Variants in QARS1 observed in about 807,000 individuals in gnomAD.
QARS1 encodes glutamine--tRNA ligase.
In QARS1, 79 loss-of-function variants were observed where a neutral mutation model predicts 106.9. The ratio of observed to expected loss-of-function variants is 0.74; its 90% CI spans 0.62 to 0.89. The LOEUF is 0.89. Ranked by LOEUF, QARS1 falls within the 40% of genes least tolerant of loss-of-function variation. QARS1 has a pLI of 0.00. For synonymous variants in QARS1, 395 were observed against 367.7 expected, an observed-to-expected ratio of 1.07 and a Z score of -0.85; for missense variants, 966 against 997.2, an observed-to-expected ratio of 0.97 and a Z score of 0.42.
In QARS1 at chr3:49,103,685, G is replaced by A; in HGVS notation, c.397C>T (p.His133Tyr). 1 of 1,613,782 alleles carries A rather than the reference G, an allele frequency of 6.2e-7. No individual in the cohort carries two copies. The highest frequency in any genetic ancestry group is 8.5e-7 in the Non-Finnish European group (1 of 1,179,862). The change falls in exon 4 of 24, where the codon CAC (histidine) becomes TAC (tyrosine). Residue 133 changes from histidine to tyrosine, a missense_variant. Transcript: ENST00000306125. ...CGTTCCACCAGGAGCTGGGGCCGGTGCCTGTTAATAGCAGCCTCCACCTGC... is the reference window on the plus strand; with the variant it reads ...CGTTCCACCAGGAGCTGGGGCCGGTACCTGTTAATAGCAGCCTCCACCTGC... ...EEAVEAAINR[H>Y]RPQLLVERYH... is the part of the protein sequence containing the mutation.
At position 49,100,379 on chromosome 3, in the gene QARS1, C is replaced by T; in HGVS notation, c.1055+1G>A. On this transcript the variant is annotated splice_donor_variant, in intron 12 of 23. Coordinates refer to ENST00000306125, the MANE Select transcript of QARS1 (RefSeq NM_005051.3). LOFTEE classifies it high-confidence loss of function. Reference sequence around the variant, plus strand: ...GCTCTACGTCATGGCCCTGGCCTTACCTGCGGATGAGCTCCACAGCCCACG... The same window carrying T: ...GCTCTACGTCATGGCCCTGGCCTTATCTGCGGATGAGCTCCACAGCCCACG... The T allele has an allele frequency of 6.2e-7, 1 of 1,614,278 alleles. No homozygotes were observed. The highest frequency in any genetic ancestry group is 8.5e-7 in the Non-Finnish European group (1 of 1,180,048).
intron 19 of QARS1, 33 bp downstream of exon 19, chr3:49,098,852 C>T (rs2042427227): frequency 4.5e-6 from 7 of 1,570,782 alleles, no homozygotes; most frequent in East Asian, 2.2e-5. Context: ...CCAGACTCAG[C>T]AGCAAACGGG....
At position 49,099,226 on chromosome 3, in the gene QARS1, T is replaced by C. The variant is rs1196352302; in HGVS notation, c.1642A>G (p.Met548Val). Residue 548 changes from methionine (M) to valine (V), a missense_variant, in exon 18 of 24, where the codon ATG becomes GTG. Physicochemically the swap from Met to Val is conservative, Grantham distance 21. Transcript: ENST00000306125. ...CAGGCTTCTAGAAGATGTGGCTCCA[T>C]TGTGGTTTGTGCCACAGTCACTCCC... ...RVGVTVAQTTMEPHLLEACVR... is the reference protein window; with the variant it reads ...RVGVTVAQTTVEPHLLEACVR... The C allele has an allele frequency of 1.9e-6, 3 of 1,614,184 alleles. No homozygotes were observed. Among genetic ancestry groups the C allele is most frequent in the Admixed American group, 1.7e-5 (1 of 60,026 alleles).
intron 17 of QARS1, 33 bp downstream of exon 17, chr3:49,099,311 C>T: frequency 6.2e-7 from 1 of 1,614,162 alleles, no homozygotes; most frequent in Non-Finnish European, 8.5e-7. Flanking sequence ...ACACTCAACC[C>T]CCAATGTATC....
rs750183990 is a variant in QARS1, at chr3:49,103,965, A to G, written c.273T>C (p.Leu91=). 7 of 1,613,314 alleles carry G rather than the reference A, an allele frequency of 4.3e-6. No individual in the cohort carries two copies. The South Asian group carries it at 7.7e-5, about 18-fold the overall frequency. Residue 91 remains leucine, a synonymous_variant, in exon 3 of 24, where the codon CTT becomes CTC. Transcript: ENST00000306125. ...CCAAGGGGTGACTCCGCACATACTC[A>G]AGGGCAGCTGAGAAGAAAGAGCCCG... is the stretch of plus-strand genomic sequence containing the variant. ...IHTEPQLSAA[L]EYVRSHPLDP... is the part of the protein sequence containing the mutation.
chr3:49,099,447 T>C lies in QARS1; in HGVS notation c.1527-16A>G. 2 of 1,614,060 alleles carry C rather than the reference T, an allele frequency of 1.2e-6. No homozygotes were observed. The highest frequency in any genetic ancestry group is 2.2e-5 in the South Asian group (2 of 91,078). ...ATCCCAGTCCCTGTGGATAAGAAGGTGGTGAGAAGGCCTTTGGGAGCATAT... is the reference window on the plus strand; with the variant it reads ...ATCCCAGTCCCTGTGGATAAGAAGGCGGTGAGAAGGCCTTTGGGAGCATAT... On this transcript the variant is annotated splice_polypyrimidine_tract_variant and intron_variant, in intron 16 of 23. Transcript: ENST00000306125.
chr3:49,097,228 C>G (rs2042404383), intron 23 of QARS1: 1 of 151,990 alleles, frequency 6.6e-6, no homozygotes, highest in Admixed American at 6.6e-5. Flanking sequence ...TAGTTTGAGG[C>G]CACAGTGAGC....
intron 23 of QARS1, 71 bp downstream of exon 23, chr3:49,097,921 G>C: frequency 1.9e-6 from 3 of 1,592,916 alleles, no homozygotes; most frequent in Non-Finnish European, 2.6e-6. Context: ...AATGTATGCA[G>C]AGCACTTGGC....
rs143986230 is a variant in QARS1 at position 49,096,119 on chromosome 3, C to T, written c.2278-40G>A. On this transcript the variant is annotated intron_variant, in intron 23 of 23. Coordinates refer to ENST00000306125, the MANE Select transcript of QARS1 (RefSeq NM_005051.3). ...GAAAAGGATGACCACCAACCCAGAA[C>T]AAGGCCAGGGAGGCCTGGGCAGGTT... 5.1e-4 allele frequency: 820 copies of T among 1,610,278 alleles called. 7 individuals carry two copies. The African/African-American group carries it at 9.2e-3, about 18-fold the overall frequency.
chr3:49,099,960 C>A lies in QARS1; in HGVS notation c.1295+1G>T. 1 of 1,614,216 alleles carries A rather than the reference C, an allele frequency of 6.2e-7. No individual in the cohort carries two copies. Among genetic ancestry groups the A allele is most frequent in the East Asian group, 2.2e-5 (1 of 44,892 alleles). ...ACCACCCCACCCCATTCTACACCCA[C>A]CATTTGTCCCCTGTGCGGTGGTGTG... On this transcript the variant is annotated splice_donor_variant, in intron 14 of 23. Transcript: ENST00000306125. LOFTEE classifies it high-confidence loss of function.
chr3:49,096,727 G>T (rs1040774547), intron 23 of QARS1, among the ~76,000 whole-genome samples: 15 of 144,478 alleles, frequency 1.0e-4, no homozygotes, highest in Non-Finnish European at 1.8e-4. Context: ...GTGAACCCGG[G>T]AGGCAGAGCT....
intron 2 of QARS1, 38 bp from the exon 3 acceptor site, chr3:49,104,010 C>T (rs1360207172): frequency 5.2e-6 from 8 of 1,548,060 alleles, no homozygotes; most frequent in Non-Finnish European, 7.1e-6. Context: ...GGCATCTCTG[C>T]TCCAAGAAGT....
intron 1 of QARS1, 29 bp from the exon 2 acceptor site, chr3:49,104,500 C>G: frequency 1.9e-6 from 3 of 1,612,010 alleles, no homozygotes; most frequent in South Asian, 2.2e-5. Flanking sequence ...AGAGAGAAGC[C>G]CCGCGCTCAG....
chr3:49,098,135 A>G lies in QARS1; in HGVS notation c.2152-18T>C, dbSNP rs778861198. 4 of 1,614,202 alleles carry G rather than the reference A, an allele frequency of 2.5e-6. No homozygotes were observed. In the South Asian group the frequency reaches 4.4e-5, roughly 18 times the overall value. On this transcript the variant is annotated intron_variant, in intron 22 of 23. Coordinates refer to ENST00000306125, the MANE Select transcript of QARS1 (RefSeq NM_005051.3). ...AGTGATGCCTGCAGGCAGGGAACTC[A>G]GGCAACCATCCAACCAGGGAGGCCT...
chr3:49,096,929 G>T (rs1443327200), intron 23 of QARS1, among the ~76,000 whole-genome samples: 1 of 150,892 alleles, frequency 6.6e-6, no homozygotes, highest in Non-Finnish European at 1.5e-5. Context: ...AGGTTGCAGT[G>T]GGCCGAGATC....
chr3:49,104,549 C>G, intron 1 of QARS1, 68 bp downstream of exon 1: 1 of 1,600,244 alleles, frequency 6.2e-7, no homozygotes, highest in Non-Finnish European at 8.5e-7. Flanking sequence ...AGGTCGGGAT[C>G]TGGACCCCGC....
rs913919560 is a variant in QARS1 at position 49,098,095 on chromosome 3, G to A, written c.2174C>T (p.Ala725Val). ...GGCCACAGAGCAGTCCACTAATGCT[G>A]CATCCACCACGTGTAGTGATGCCTG... Reference protein sequence around the residue: ...LNLASLHVVDAALVDCSVALA... With the variant: ...LNLASLHVVDVALVDCSVALA... The change falls in exon 23 of 24, where the codon GCA becomes GTA. Residue 725 changes from alanine (A) to valine (V), a missense_variant. Ala to Val is a moderately conservative substitution (Grantham distance 64, BLOSUM62 0). Transcript: ENST00000306125. 5.3e-5 allele frequency: 86 copies of A among 1,614,058 alleles called. No homozygotes were observed. The highest frequency in any genetic ancestry group is 6.9e-5 in the Non-Finnish European group (81 of 1,180,056).
intron 4 of QARS1, 81 bp downstream of exon 4, chr3:49,103,550 C>A: frequency 6.4e-7 from 1 of 1,563,892 alleles, no homozygotes; most frequent in South Asian, 1.1e-5. Context: ...CTGTTCCTTC[C>A]CCCACCTCCT....
chr3:49,104,087 G>A lies in QARS1; in HGVS notation c.266-115C>T, dbSNP rs2107113160. ...CTGGCCTCCTGAAAAGTTAAGCCCTGGCACCACCACCCTAGAGAACACAGG... is the reference window on the plus strand; with the variant it reads ...CTGGCCTCCTGAAAAGTTAAGCCCTAGCACCACCACCCTAGAGAACACAGG... On this transcript the variant is annotated intron_variant, in intron 2 of 23. Coordinates refer to ENST00000306125, the MANE Select transcript of QARS1 (RefSeq NM_005051.3). The A allele has an allele frequency of 3.5e-6, 4 of 1,153,242 alleles. No individual in the cohort carries two copies. The East Asian group carries it at 1.0e-4, about 29-fold the overall frequency. 71.4% of individuals were successfully genotyped at this position (1,153,242 alleles called of 1,614,324 possible).
Sources: gnomAD v4.1 joint callset for allele counts (sites outside exome capture counted in the v4.1 genomes callset) on GRCh38, gnomAD v4.1.1 for gene constraint, MANE v1.5 for transcripts, NCBI Gene and HGNC (gene_info 2026-07-23, HGNC 2026-07-21) for gene names.